The following ESRRG variants were observed in gnomAD, a reference collection of about 807,000 sequenced individuals.
The protein encoded by ESRRG is estrogen-related receptor gamma.
A neutral mutation model predicts 44.0 loss-of-function variants in ESRRG; 13 were observed. The observed-to-expected ratio is 0.30, with a 90% CI of 0.19 to 0.47. The LOEUF (loss-of-function observed/expected upper bound fraction) is 0.47. Ranked by LOEUF, ESRRG falls within the 20% of genes least tolerant of loss-of-function variation. The probability of loss-of-function intolerance (pLI) is 1.00; values close to 1 mark genes in which losing one functional copy is unlikely to be tolerated. For synonymous variants in ESRRG, 215 were observed against 214.6 expected, an observed-to-expected ratio of 1.00 and a Z score of -0.02; for missense variants, 395 against 580.6, an observed-to-expected ratio of 0.68 and a Z score of 3.29.
intron 3 of ESRRG, among the ~76,000 whole-genome samples, chr1:216,590,452 A>C (rs929841476): frequency 6.6e-6 from 1 of 152,218 alleles, no homozygotes; most frequent in African/African-American, 2.4e-5. Context: ...ATATGTTAAG[A>C]ACAGACAAAA....
chr1:216,821,881 AACT>A (rs2095305885), intron 2 of ESRRG, among the ~76,000 whole-genome samples: 1 of 151,928 alleles, frequency 6.6e-6, no homozygotes, highest in African/African-American at 2.4e-5. Flanking sequence ...AGTGTCACAC[AACT>A]ACTCACATAC....
intron 2 of ESRRG, among the ~76,000 whole-genome samples, chr1:216,907,032 G>C (rs928877163): frequency 6.6e-6 from 1 of 152,094 alleles, no homozygotes; most frequent in African/African-American, 2.4e-5. Context: ...CATTAATTTG[G>C]AACACTGAAA....
intron 2 of ESRRG, among the ~76,000 whole-genome samples, chr1:216,869,646 A>C (rs561047460): frequency 1.9e-4 from 29 of 152,178 alleles, no homozygotes; most frequent in African/African-American, 6.7e-4. Flanking sequence ...TAGAACCAAC[A>C]TCTTTACTTT....
intron 1 of ESRRG, chr1:216,959,459 A>G (rs957245430): frequency 2.6e-5 from 4 of 152,120 alleles, no homozygotes; most frequent in Non-Finnish European, 4.4e-5. Flanking sequence ...TGGGAAGCCA[A>G]GTCAGGAAGA....
intron 1 of ESRRG, among the ~76,000 whole-genome samples, chr1:217,060,892 AG>A (rs1298794658): frequency 2.0e-5 from 3 of 152,120 alleles, no homozygotes; most frequent in Non-Finnish European, 4.4e-5. Context: ...ACAAATGTAC[AG>A]GAATCTTCTT....
intron 2 of ESRRG, among the ~76,000 whole-genome samples, chr1:216,733,979 A>C (rs1024904752): frequency 7.2e-6 from 1 of 138,678 alleles, no homozygotes; most frequent in Non-Finnish European, 1.6e-5. Flanking sequence ...CAACAGAGCA[A>C]GACTCTGTAA....
intron 1 of ESRRG, among the ~76,000 whole-genome samples, chr1:217,134,653 C>G (rs1252311507): frequency 6.6e-6 from 1 of 152,354 alleles, no homozygotes; most frequent in Non-Finnish European, 1.5e-5. Context: ...CGCTGCGCGC[C>G]TGAGAGAAAG....
At chr1:216,528,333 C>A (rs1476561777) in intron 5 of ESRRG, among the ~76,000 whole-genome samples, 1 of 152,150 alleles carries the variant, frequency 6.6e-6, no homozygotes. Flanking sequence ...TCAGCCAGTT[C>A]TCTTCAATTT....
At chr1:216,711,844 A>T (rs1460988494) in intron 1 of ESRRG, among the ~76,000 whole-genome samples, 1 of 152,210 alleles carries the variant, frequency 6.6e-6, no homozygotes, top group Non-Finnish European at 1.5e-5. Flanking sequence ...TTTCAATTTG[A>T]TTATGGAATA....
chr1:216,831,140 T>G (rs1367055469), intron 2 of ESRRG, among the ~76,000 whole-genome samples: 1 of 151,846 alleles, frequency 6.6e-6, no homozygotes, highest in Non-Finnish European at 1.5e-5. Context: ...GCATTCTTAT[T>G]AAATATTTCA....
intron 3 of ESRRG, among the ~76,000 whole-genome samples, chr1:216,584,892 A>G (rs1241120129): frequency 1.3e-5 from 2 of 152,220 alleles, no homozygotes; most frequent in Non-Finnish European, 2.9e-5. Context: ...GTAACAGAGT[A>G]GTTTTAAGAC....
chr1:216,921,456 G>C, intron 2 of ESRRG, among the ~76,000 whole-genome samples: 1 of 152,172 alleles, frequency 6.6e-6, no homozygotes, highest in Middle Eastern at 3.2e-3. Flanking sequence ...ACACGTTCCT[G>C]ACAATGGACT....
chr1:216,780,823 T>C (rs1005961823), intron 2 of ESRRG, among the ~76,000 whole-genome samples: 3 of 152,048 alleles, frequency 2.0e-5, no homozygotes, highest in Admixed American at 6.6e-5. Context: ...ACGTGCCTTA[T>C]GTCCTCTCTG....
intron 1 of ESRRG, among the ~76,000 whole-genome samples, chr1:216,716,974 T>A (rs1393024845): frequency 6.6e-6 from 1 of 151,914 alleles, no homozygotes; most frequent in Non-Finnish European, 1.5e-5. Context: ...TTTCTTTCAT[T>A]GTTTTGCCTC....
intron 1 of ESRRG, among the ~76,000 whole-genome samples, chr1:217,059,052 T>C (rs944403333): frequency 6.0e-5 from 9 of 148,792 alleles, no homozygotes; most frequent in African/African-American, 2.0e-4. Flanking sequence ...AGAATAACTA[T>C]AGTATACTAT....
chr1:216,768,857 A>G lies in ESRRG; in HGVS notation c.-13-91366T>C, dbSNP rs112213509. On this transcript the variant is annotated intron_variant, in intron 2 of 7. Transcript: ENST00000359162. ...GAAGCTCAACCTCAGAAAAGTGAAT[A>G]TCTTGTCTAGGATTACACTCTACTA... Among the ~76,000 whole-genome samples, 324 of 152,228 alleles carry G rather than the reference A, an allele frequency of 2.1e-3. 2 individuals are homozygous for G. Among genetic ancestry groups the G allele is most frequent in the African/African-American group, 7.5e-3 (311 of 41,564 alleles).
rs2085181543 is a variant in ESRRG at position 217,047,904 on chromosome 1, AAAG to A, written c.-106+41600_-106+41602del. ...AGAGAATATGCAATGGAACTAGAGAAAAGAAGTAGCCCACATTTCCAGACCACG... is the reference window on the plus strand; with the variant it reads ...AGAGAATATGCAATGGAACTAGAGAAAAGTAGCCCACATTTCCAGACCACG... On this transcript the variant is annotated intron_variant, in intron 1 of 7. Transcript: ENST00000359162. Among the ~76,000 whole-genome samples the A allele has an allele frequency of 3.3e-5, 5 of 152,344 alleles. No homozygotes were observed. The South Asian group carries it at 1.0e-3, about 32-fold the overall frequency.
intron 1 of ESRRG, among the ~76,000 whole-genome samples, chr1:217,126,847 C>G (rs913508246): frequency 1.1e-4 from 17 of 152,180 alleles, no homozygotes; most frequent in African/African-American, 3.6e-4. Flanking sequence ...AGGCTAATTG[C>G]TATGAACACT....
At chr1:216,735,877 G>C (rs997097212) in intron 2 of ESRRG, among the ~76,000 whole-genome samples, 2 of 151,172 alleles carry the variant, frequency 1.3e-5, no homozygotes, top group African/African-American at 4.9e-5. Flanking sequence ...TACTCGGGAG[G>C]CTGAGGCCGA....
Sources: allele counts gnomAD v4.1 joint callset (sites outside exome capture counted in the v4.1 genomes callset), GRCh38; gene constraint gnomAD v4.1.1; transcripts MANE v1.5; gene names NCBI Gene and HGNC (gene_info 2026-07-23, HGNC 2026-07-21).